The following FARP1 variants were observed in gnomAD, a reference collection of about 807,000 sequenced individuals.
The protein encoded by FARP1 is FERM, ARH/RhoGEF and pleckstrin domain protein 1.
A neutral mutation model predicts 128.8 loss-of-function variants in FARP1; 52 were observed. The ratio of observed to expected loss-of-function variants is 0.40; its 90% CI spans 0.32 to 0.51. The LOEUF (loss-of-function observed/expected upper bound fraction) is 0.51, where lower values mean the gene tolerates loss of function less well. FARP1 is among the 20% of genes least tolerant of loss of function. The pLI, the probability that FARP1 is intolerant of heterozygous loss-of-function variation, is 0.45. For missense variants in FARP1, 1,333 were observed against 1,367.9 expected (o/e 0.97, Z 0.40); for synonymous variants, 580 against 551.8 (o/e 1.05, Z -0.72).
intron 20 of FARP1, 70 bp downstream of exon 20, chr13:98,438,942 A>C: frequency 1.3e-6 from 2 of 1,546,468 alleles, no homozygotes; most frequent in Non-Finnish European, 1.8e-6. Flanking sequence ...CCAAGGCCGG[A>C]CCTCGGCCAC....
rs113855768 is a variant in FARP1, at chr13:98,214,142, C to T, written c.171+729C>T. On this transcript the variant is annotated intron_variant, in intron 2 of 26. Transcript: ENST00000319562. ...GAACCTCTGGTGCTCCTCACTTCTG[C>T]TGTTCTTCTCCGAGCCCCTGCCTGG... Among the ~76,000 whole-genome samples the T allele has an allele frequency of 8.4e-4, 128 of 152,368 alleles. 2 individuals are homozygous for T. Among genetic ancestry groups the T allele is most frequent in the African/African-American group, 2.9e-3 (121 of 41,600 alleles).
intron 2 of FARP1, chr13:98,333,966 A>ACAT (rs56041443): frequency 0.17 from 25,810 of 151,670 alleles, 2,696 homozygotes; most frequent in Non-Finnish European, 0.25. Context: ...CTCCTCCTCC[A>ACAT]CATCATCATC....
Position 98,151,755 on chromosome 13 carries a change from G to A in FARP1, c.-24+8263G>A, listed in dbSNP as rs185347410. Among the ~76,000 whole-genome samples the A allele has an allele frequency of 6.0e-3, 826 of 138,770 alleles. 7 individuals carry two copies. The highest frequency in any genetic ancestry group is 0.021 in the African/African-American group (790 of 38,492). 91.0% of individuals were successfully genotyped at this position (138,770 alleles called of 152,430 possible). ...TGGTTCACTGCAACCTCCGCCTCCC[G>A]GGTTCAAGCAATTCTCCTGCCTCAG... On this transcript the variant is annotated intron_variant, in intron 1 of 26. Transcript: ENST00000319562.
chr13:98,317,582 G>A (rs7334870), intron 2 of FARP1, among the ~76,000 whole-genome samples: 1 of 152,142 alleles, frequency 6.6e-6, no homozygotes, highest in Non-Finnish European at 1.5e-5. Context: ...CTATCCACTT[G>A]TTATCCAAAG....
intron 2 of FARP1, among the ~76,000 whole-genome samples, chr13:98,251,442 G>A (rs1479819508): frequency 1.3e-5 from 2 of 152,220 alleles, no homozygotes; most frequent in Non-Finnish European, 2.9e-5. Flanking sequence ...CAGCACTTTG[G>A]GAGGCTGAGG....
At chr13:98,382,697 C>T (rs1175531355) in intron 6 of FARP1, among the ~76,000 whole-genome samples, 2 of 152,056 alleles carry the variant, frequency 1.3e-5, no homozygotes, top group African/African-American at 4.8e-5. Context: ...ATGTGCATTC[C>T]CAGTGGAGGT....
rs57792850 is a variant in FARP1 at position 98,277,148 on chromosome 13, A to ACC, written c.171+63738_171+63739dup. Among the ~76,000 whole-genome samples, 16 of 138,656 alleles carry ACC rather than the reference A, an allele frequency of 1.2e-4. No homozygotes were observed. In the South Asian group the frequency reaches 2.8e-3, roughly 24 times the overall value. The allele number at this position is 138,656 out of a possible 152,430, so 91.0% of individuals were successfully genotyped here. A position where few individuals can be genotyped will look rare whatever the true frequency, so the allele number is the denominator to read the frequency against. ...CACACACACACACACACACACACACACCCCATATGTATATATTAGAAGCAG... is the reference window on the plus strand; with the variant it reads ...CACACACACACACACACACACACACACCCCCCATATGTATATATTAGAAGCAG... On this transcript the variant is annotated intron_variant, in intron 2 of 26. Transcript: ENST00000319562.
intron 2 of FARP1, among the ~76,000 whole-genome samples, chr13:98,213,690 A>G (rs1417573645): frequency 2.0e-5 from 3 of 152,146 alleles, no homozygotes; most frequent in Admixed American, 6.5e-5. Context: ...TATGTAATCT[A>G]AGTGCATATG....
At chr13:98,269,076 A>G (rs767261829) in intron 2 of FARP1, among the ~76,000 whole-genome samples, 9 of 151,936 alleles carry the variant, frequency 5.9e-5, no homozygotes, top group Non-Finnish European at 8.8e-5. Context: ...GGATGGCTTT[A>G]TTGTGCAGCT....
intron 2 of FARP1, among the ~76,000 whole-genome samples, chr13:98,245,809 C>T (rs145105126): frequency 8.3e-4 from 126 of 152,210 alleles, no homozygotes; most frequent in African/African-American, 2.7e-3. Context: ...CACTCTGTCA[C>T]CCAGGCTGGA....
chr13:98,387,192 T>C (rs1357690244), intron 8 of FARP1, among the ~76,000 whole-genome samples: 1 of 152,074 alleles, frequency 6.6e-6, no homozygotes, highest in Admixed American at 6.6e-5. Flanking sequence ...TCCCAGCTAC[T>C]TGGAAGGCTG....
Position 98,424,565 on chromosome 13 carries a change from C to T in FARP1, c.1827-7C>T. 6.2e-7 allele frequency: 1 copy of T among 1,601,524 alleles called. No homozygotes were observed. Among genetic ancestry groups the T allele is most frequent in the Non-Finnish European group, 8.6e-7 (1 of 1,168,538 alleles). On this transcript the variant is annotated splice_region_variant and splice_polypyrimidine_tract_variant and intron_variant, in intron 16 of 26. Transcript: ENST00000319562. ...TTGTATTTCCAACCCTTTGCTTTTG[C>T]TCTCAGGGAAGGCCGCTCAAATGCC...
intron 2 of FARP1, among the ~76,000 whole-genome samples, chr13:98,217,465 A>G (rs550954424): frequency 2.0e-5 from 3 of 152,218 alleles, no homozygotes; most frequent in Admixed American, 1.3e-4. Context: ...CCGTCGTCGC[A>G]GGAAATGATC....
chr13:98,335,112 C>G (rs624250), intron 2 of FARP1, among the ~76,000 whole-genome samples: 5,722 of 152,320 alleles, frequency 0.038, 369 homozygotes, highest in African/African-American at 0.13. Context: ...GCCATTTGCT[C>G]TATTCTCTGA....
intron 17 of FARP1, among the ~76,000 whole-genome samples, chr13:98,429,061 G>A (rs1891904442): frequency 6.6e-6 from 1 of 152,160 alleles, no homozygotes; most frequent in Non-Finnish European, 1.5e-5. Flanking sequence ...GCTGGGTGAG[G>A]GGTGCACAAT....
chr13:98,296,556 G>A (rs1168874977), intron 2 of FARP1, among the ~76,000 whole-genome samples: 3 of 152,060 alleles, frequency 2.0e-5, no homozygotes, highest in Non-Finnish European at 4.4e-5. Context: ...TAGCACAGGA[G>A]ATGTTCAGGA....
At chr13:98,239,416 T>C (rs1254263962) in intron 2 of FARP1, among the ~76,000 whole-genome samples, 1 of 152,228 alleles carries the variant, frequency 6.6e-6, no homozygotes, top group Non-Finnish European at 1.5e-5. Context: ...CCTTACTGTT[T>C]TGCTTGATCA....
chr13:98,440,966 C>A, intron 24 of FARP1, 130 bp downstream of exon 24: 1 of 910,448 alleles, frequency 1.1e-6, no homozygotes, highest in Admixed American at 2.5e-5. Context: ...GGTGGCTGAG[C>A]AGGGAAGGAT....
rs75762925 is a variant in FARP1, at chr13:98,450,553, A to G, written c.*2236A>G. 1,810 of 152,494 alleles carry G rather than the reference A, an allele frequency of 0.012. 21 individuals carry two copies. The highest frequency in any genetic ancestry group is 0.018 in the Non-Finnish European group (1,206 of 68,164). 9.4% of individuals were successfully genotyped at this position (152,494 alleles called of 1,614,324 possible). On this transcript the variant is annotated 3_prime_UTR_variant, in exon 27 of 27. Coordinates refer to ENST00000319562, the MANE Select transcript of FARP1 (RefSeq NM_005766.4). ...CTCATTGGCAGCAGCCAGCCAGGACACAGCTCAAAAACGCAGGAGCTACCA... is the reference window on the plus strand; with the variant it reads ...CTCATTGGCAGCAGCCAGCCAGGACGCAGCTCAAAAACGCAGGAGCTACCA...
Sources: gnomAD v4.1 joint callset for allele counts (sites outside exome capture counted in the v4.1 genomes callset) on GRCh38, gnomAD v4.1.1 for gene constraint, MANE v1.5 for transcripts, NCBI Gene and HGNC (gene_info 2026-07-23, HGNC 2026-07-21) for gene names.